MGAT3: variants seen among roughly 807,000 people sequenced by gnomAD.
The protein encoded by MGAT3 is beta-1,4-mannosyl-glycoprotein 4-beta-N-acetylglucosaminyltransferase, also known as GlcNAc-T III.
MGAT3 carries 9 observed loss-of-function variants against 29.8 expected under a neutral mutation model. The observed-to-expected ratio is 0.30, with a 90% CI of 0.18 to 0.53. The LOEUF is 0.53. Among genes scored for constraint, MGAT3 ranks in the 20% least tolerant of loss-of-function variants. The pLI is 0.96. For missense variants in MGAT3, 557 were observed against 769.5 expected (o/e 0.72, Z 3.27); for synonymous variants, 397 against 348.9 (o/e 1.14, Z -1.54).
intron 1 of MGAT3, among the ~76,000 whole-genome samples, chr22:39,476,266 G>T (rs1037913879): frequency 1.7e-4 from 26 of 152,302 alleles, no homozygotes; most frequent in African/African-American, 5.8e-4. Context: ...CCTCCACCCT[G>T]GAGCTGAGCC....
Position 39,476,953 on chromosome 22 carries a change from G to A in MGAT3, c.-1-10394G>A, listed in dbSNP as rs575978512. On this transcript the variant is annotated intron_variant, in intron 1 of 1. Coordinates refer to ENST00000341184, the MANE Select transcript of MGAT3 (RefSeq NM_002409.5). ...CAGCAGTTGTTTCTTCAGTCTCGCC[G>A]GGACTCCAGGATCGGCCATGTTCTG... The A allele has an allele frequency of 4.1e-4, 63 of 152,212 alleles. 1 individual carries two copies. The highest frequency in any genetic ancestry group is 1.3e-3 in the African/African-American group (55 of 41,512). The allele number at this position is 152,212 out of a possible 1,614,324, so 9.4% of individuals were successfully genotyped here.
Position 39,488,082 on chromosome 22 carries a change from T to C in MGAT3, c.735T>C (p.Tyr245=), listed in dbSNP as rs755457384. The C allele has an allele frequency of 1.9e-6, 3 of 1,612,192 alleles. No individual in the cohort carries two copies. Among genetic ancestry groups the C allele is most frequent in the South Asian group, 2.2e-5 (2 of 91,060 alleles). ...FVVCESNFTA[Y]GEPRPLKFRE... ...TGTGCGAGTCCAACTTCACGGCTTA[T>C]GGGGAGCCGCGGCCGCTCAAGTTCC... is the stretch of plus-strand genomic sequence containing the variant. Residue 245 remains tyrosine, a synonymous_variant, in exon 2 of 2, where the codon TAT becomes TAC. Coordinates refer to ENST00000341184, the MANE Select transcript of MGAT3 (RefSeq NM_002409.5).
chr22:39,483,684 G>C (rs1929191299), intron 1 of MGAT3, among the ~76,000 whole-genome samples: 1 of 152,086 alleles, frequency 6.6e-6, no homozygotes, highest in South Asian at 2.1e-4. Context: ...AGCTGGTCCA[G>C]CCCAACTGGT....
At chr22:39,479,372 C>T (rs1461936088) in intron 1 of MGAT3, among the ~76,000 whole-genome samples, 2 of 152,166 alleles carry the variant, frequency 1.3e-5, no homozygotes, top group Admixed American at 1.3e-4. Flanking sequence ...GTCACAGGCC[C>T]CTGGGGCTGG....
intron 1 of MGAT3, among the ~76,000 whole-genome samples, chr22:39,471,912 A>T (rs1225384948): frequency 6.6e-6 from 1 of 152,176 alleles, no homozygotes; most frequent in Non-Finnish European, 1.5e-5. Context: ...ACTCCTGAGC[A>T]GGCTGGGCTG....
chr22:39,489,163 G>C lies in MGAT3; in HGVS notation c.*214G>C. On this transcript the variant is annotated 3_prime_UTR_variant, in exon 2 of 2. Transcript: ENST00000341184. ...TCCCTCCTGTTGGGAGAGGGCGCAG[G>C]CCGTGACGTCTGGGTGGCCCTTATG... is the stretch of plus-strand genomic sequence containing the variant. 1 of 712,762 alleles carries C rather than the reference G, an allele frequency of 1.4e-6. No homozygotes were observed. The highest frequency in any genetic ancestry group is 2.0e-5 in the South Asian group (1 of 51,070). 44.2% of individuals were successfully genotyped at this position (712,762 alleles called of 1,614,324 possible).
At chr22:39,460,108 G>A (rs1928457047) in intron 1 of MGAT3, among the ~76,000 whole-genome samples, 1 of 152,224 alleles carries the variant, frequency 6.6e-6, no homozygotes, top group South Asian at 2.1e-4. Flanking sequence ...GCCCAGCCAA[G>A]TCATTCAGGG....
intron 1 of MGAT3, among the ~76,000 whole-genome samples, chr22:39,479,393 C>T (rs916117172): frequency 1.5e-4 from 23 of 152,030 alleles, no homozygotes; most frequent in African/African-American, 3.6e-4. Flanking sequence ...GCACAACTTA[C>T]GGGGTGTCTG....
chr22:39,478,930 C>T (rs1055143985), intron 1 of MGAT3, among the ~76,000 whole-genome samples: 2 of 152,226 alleles, frequency 1.3e-5, no homozygotes, highest in African/African-American at 4.8e-5. Flanking sequence ...CTCAGACCCT[C>T]CAGGCCATGG....
At chr22:39,471,894 G>C (rs578208565) in intron 1 of MGAT3, among the ~76,000 whole-genome samples, 1 of 152,168 alleles carries the variant, frequency 6.6e-6, no homozygotes, top group African/African-American at 2.4e-5. Flanking sequence ...AGGGGATAGC[G>C]TGGGGGAACT....
intron 1 of MGAT3, among the ~76,000 whole-genome samples, chr22:39,470,717 A>G (rs1443112847): frequency 6.6e-6 from 1 of 151,822 alleles, no homozygotes; most frequent in Non-Finnish European, 1.5e-5. Flanking sequence ...GTGAGGCCGC[A>G]CCCAGCTCAG....
chr22:39,474,260 C>T (rs1021450234), intron 1 of MGAT3, among the ~76,000 whole-genome samples: 2 of 152,102 alleles, frequency 1.3e-5, no homozygotes, highest in Non-Finnish European at 2.9e-5. Context: ...TCCTGGGCAG[C>T]GAATCCGATC....
At chr22:39,477,050 G>A (rs1275780084) in intron 1 of MGAT3, among the ~76,000 whole-genome samples, 2 of 152,170 alleles carry the variant, frequency 1.3e-5, no homozygotes, top group African/African-American at 4.8e-5. Context: ...TCAGAGTCCG[G>A]GGAGGTGCTC....
At position 39,487,825 on chromosome 22, in the gene MGAT3, G is replaced by T; in HGVS notation, c.478G>T (p.Gly160Trp). Residue 160 changes from glycine to tryptophan, a missense_variant, in exon 2 of 2, where the codon GGG (glycine) becomes TGG (tryptophan). By Grantham distance (184) the Gly-to-Trp change is radical. Transcript: ENST00000341184. This position sits in a 1 kb window ranked among gnomAD's most constrained non-coding sequence, Gnocchi z 5.7. ...CCTCCTGAGCGCCCGGGAGCGCACG[G>T]GGGGCCGAGGCGCCCGGCGCAAGTG... ...RYLLSARERT[G>W]GRGARRKWVE... is the part of the protein sequence containing the mutation. 6.7e-7 allele frequency: 1 copy of T among 1,502,920 alleles called. No homozygotes were observed. Among genetic ancestry groups the T allele is most frequent in the African/African-American group, 1.4e-5 (1 of 72,080 alleles). The allele number at this position is 1,502,920 out of a possible 1,614,324, so 93.1% of individuals were successfully genotyped here.
At position 39,489,844 on chromosome 22, in the gene MGAT3, C is replaced by G. The variant is rs761964439; in HGVS notation, c.*895C>G. The G allele has an allele frequency of 1.2e-5, 2 of 167,348 alleles. No homozygotes were observed. Among genetic ancestry groups the G allele is most frequent in the South Asian group, 2.1e-4 (1 of 4,836 alleles). 10.4% of individuals were successfully genotyped at this position (167,348 alleles called of 1,614,324 possible). On this transcript the variant is annotated 3_prime_UTR_variant, in exon 2 of 2. Transcript: ENST00000341184. Reference sequence around the variant, plus strand: ...CTGCACGGATCCGTCTCTCCCTCCCCATCACCCCTTCCTTCTGACACCCAG... The same window carrying G: ...CTGCACGGATCCGTCTCTCCCTCCCGATCACCCCTTCCTTCTGACACCCAG...
intron 1 of MGAT3, among the ~76,000 whole-genome samples, chr22:39,466,278 G>A (rs2145711832): frequency 6.6e-6 from 1 of 152,344 alleles, no homozygotes; most frequent in African/African-American, 2.4e-5. Context: ...GCAGTGACCG[G>A]CTGTGGGGTC....
rs1929442123 is a variant in MGAT3 at position 39,491,122 on chromosome 22, G to A, written c.*2173G>A. ...GGTTGGGGGTTTCCTGATGGGCCAG[G>A]AGAGGAGGGCATCTTCTTGCGACAG... On this transcript the variant is annotated 3_prime_UTR_variant, in exon 2 of 2. Coordinates refer to ENST00000341184, the MANE Select transcript of MGAT3 (RefSeq NM_002409.5). The surrounding 1 kb of genome is among the most constrained non-coding windows in gnomAD (Gnocchi z 5.5). 6.0e-6 allele frequency: 1 copy of A among 167,360 alleles called. No homozygotes were observed. The highest frequency in any genetic ancestry group is 1.5e-5 in the Non-Finnish European group (1 of 68,248). 10.4% of individuals were successfully genotyped at this position (167,360 alleles called of 1,614,324 possible). A position where few individuals can be genotyped will look rare whatever the true frequency, so the allele number is the denominator to read the frequency against.
chr22:39,484,720 A>T (rs1929222391), intron 1 of MGAT3, among the ~76,000 whole-genome samples: 1 of 151,202 alleles, frequency 6.6e-6, no homozygotes, highest in Non-Finnish European at 1.5e-5. Flanking sequence ...AAAAGTAGGG[A>T]GGCTGGCCAT....
intron 1 of MGAT3, among the ~76,000 whole-genome samples, chr22:39,482,534 A>G (rs1929155872): frequency 6.6e-6 from 1 of 152,230 alleles, no homozygotes. Flanking sequence ...TCCATCTGTT[A>G]AAACAGGGCA....
Sources: gnomAD v4.1 joint callset for allele counts (sites outside exome capture counted in the v4.1 genomes callset) on GRCh38, gnomAD v4.1.1 for gene constraint, Gnocchi (gnomAD v3.1) non-coding constraint, MANE v1.5 for transcripts, NCBI Gene and HGNC (gene_info 2026-07-23, HGNC 2026-07-21) for gene names.